Variants in NAALADL2 observed in about 807,000 individuals in gnomAD.
NAALADL2 encodes inactive N-acetylated-alpha-linked acidic dipeptidase-like protein 2.
Under a neutral mutation model 87.2 loss-of-function variants are expected in NAALADL2, and 76 were observed. That is an observed-to-expected ratio of 0.87 (90% confidence interval 0.72 to 1.05). NAALADL2 has a LOEUF of 1.05. Ranked by LOEUF, NAALADL2 falls within the 50% of genes least tolerant of loss-of-function variation. The pLI is 0.00. For missense variants in NAALADL2, 1,089 were observed against 945.8 expected (o/e 1.15, Z -1.99); for synonymous variants, 354 against 331.0 (o/e 1.07, Z -0.75).
chr3:175,674,258 T>G lies in NAALADL2; in HGVS notation c.1896+46872T>G, dbSNP rs74620718. On this transcript the variant is annotated intron_variant, in intron 11 of 13. Transcript: ENST00000454872. ...TTCCAACTGATAGTGTTTTTTTTTT[T>G]TGTTTGTTTTGTTTTTTTTGAGTTG... Among the ~76,000 whole-genome samples, 686 of 144,954 alleles carry G rather than the reference T, an allele frequency of 4.7e-3. 6 individuals carry two copies. The highest frequency in any genetic ancestry group is 0.017 in the African/African-American group (596 of 34,982).
chr3:175,255,187 G>A (rs1271778477), intron 3 of NAALADL2, among the ~76,000 whole-genome samples: 1 of 152,178 alleles, frequency 6.6e-6, no homozygotes, highest in Admixed American at 6.5e-5. Flanking sequence ...CATTTGAAAT[G>A]AACGTTAATG....
At chr3:175,626,777 T>C (rs1056613762) in intron 10 of NAALADL2, among the ~76,000 whole-genome samples, 3 of 151,888 alleles carry the variant, frequency 2.0e-5, no homozygotes, top group African/African-American at 4.8e-5. Context: ...TAAGTATTGG[T>C]GCCACTCAGA....
At chr3:175,272,078 C>G (rs1333235512) in intron 4 of NAALADL2, among the ~76,000 whole-genome samples, 1 of 152,028 alleles carries the variant, frequency 6.6e-6, no homozygotes, top group Non-Finnish European at 1.5e-5. Context: ...AACTTCCAAA[C>G]AAAAAGTAAG....
Position 174,787,576 on chromosome 3 carries a change from CATATATATATATATATAT to C in NAALADL2, c.-9+49858_-9+49875del, listed in dbSNP as rs71300440. Among the ~76,000 whole-genome samples the C allele has an allele frequency of 9.8e-3, 144 of 14,734 alleles. 23 individuals carry two copies. Among genetic ancestry groups the C allele is most frequent in the African/African-American group, 0.023 (126 of 5,556 alleles). The allele number at this position is 14,734 out of a possible 152,430, so 9.7% of individuals were successfully genotyped here. A position where few individuals can be genotyped will look rare whatever the true frequency, so the allele number is the denominator to read the frequency against. On this transcript the variant is annotated intron_variant, in intron 3 of 3. Transcript: ENST00000434257. Reference sequence around the variant, plus strand: ...TTAATAGAAGAAGGCAATATATCATCATATATATATATATATATATATATATATATATATATATATATA... The same window carrying C: ...TTAATAGAAGAAGGCAATATATCATCATATATATATATATATATATATATA...
chr3:174,474,956 G>A (rs1717123953), intron 1 of NAALADL2, among the ~76,000 whole-genome samples: 1 of 151,934 alleles, frequency 6.6e-6, no homozygotes, highest in South Asian at 2.1e-4. Context: ...TTGCCCTTAG[G>A]ATAGATAAGA....
chr3:174,540,511 A>G (rs1722128184), intron 1 of NAALADL2, among the ~76,000 whole-genome samples: 1 of 152,224 alleles, frequency 6.6e-6, no homozygotes, highest in South Asian at 2.1e-4. Context: ...AAAACTTTCA[A>G]AGCAAGTGGG....
At chr3:175,246,040 T>A (rs957046451) in intron 3 of NAALADL2, among the ~76,000 whole-genome samples, 4 of 152,162 alleles carry the variant, frequency 2.6e-5, no homozygotes, top group Non-Finnish European at 5.9e-5. Context: ...GTCTTCATGA[T>A]AATGACCATG....
intron 9 of NAALADL2, among the ~76,000 whole-genome samples, chr3:175,562,675 G>A (rs1716460185): frequency 6.6e-6 from 1 of 151,848 alleles, no homozygotes; most frequent in African/African-American, 2.4e-5. Flanking sequence ...TATAATTTAG[G>A]AAATTAAAAA....
At chr3:175,133,741 G>A (rs969399899) in intron 2 of NAALADL2, among the ~76,000 whole-genome samples, 33 of 152,176 alleles carry the variant, frequency 2.2e-4, no homozygotes, top group Non-Finnish European at 7.3e-5. Context: ...ACCGTGGGGA[G>A]AGGGAGAGGG....
At chr3:174,725,218 G>C (rs1398677284) in intron 2 of NAALADL2, among the ~76,000 whole-genome samples, 1 of 152,142 alleles carries the variant, frequency 6.6e-6, no homozygotes, top group Non-Finnish European at 1.5e-5. Context: ...TGAGTAAAAA[G>C]ATAAGTCTTA....
At chr3:174,912,484 T>C (rs748209438) in intron 1 of NAALADL2, among the ~76,000 whole-genome samples, 1 of 152,166 alleles carries the variant, frequency 6.6e-6, no homozygotes, top group Non-Finnish European at 1.5e-5. Context: ...AAATGTTTCA[T>C]TGGAATCCTA....
At chr3:175,695,071 GA>G (rs200600326) in intron 11 of NAALADL2, among the ~76,000 whole-genome samples, 91 of 136,280 alleles carry the variant, frequency 6.7e-4, no homozygotes, top group East Asian at 4.1e-3. Flanking sequence ...ATAGGTGCTT[GA>G]AAAAAAAAAA....
intron 2 of NAALADL2, among the ~76,000 whole-genome samples, chr3:174,553,380 A>G (rs1300721328): frequency 6.6e-6 from 1 of 152,208 alleles, no homozygotes; most frequent in Admixed American, 6.5e-5. Context: ...AAGTGACCAT[A>G]GGTTTCTTAT....
intron 1 of NAALADL2, among the ~76,000 whole-genome samples, chr3:174,899,793 T>C (rs1163663386): frequency 2.0e-5 from 3 of 152,032 alleles, no homozygotes; most frequent in Non-Finnish European, 4.4e-5. Context: ...TCCAAGGGCA[T>C]ATGCTTACAC....
At chr3:174,857,506 C>T (rs1725987800), upstream of NAALADL2, among the ~76,000 whole-genome samples, 1 of 152,092 alleles carries the variant, frequency 6.6e-6, no homozygotes. Flanking sequence ...TGACTAATTT[C>T]AGTGCCTGGG....
chr3:175,604,490 G>T (rs62284498), intron 10 of NAALADL2, among the ~76,000 whole-genome samples: 1 of 151,618 alleles, frequency 6.6e-6, no homozygotes, highest in Non-Finnish European at 1.5e-5. Flanking sequence ...CTTTTTAGTA[G>T]AGACGGGGTT....
intron 11 of NAALADL2, among the ~76,000 whole-genome samples, chr3:175,635,267 T>A (rs1369702450): frequency 1.3e-5 from 2 of 152,006 alleles, no homozygotes; most frequent in African/African-American, 4.8e-5. Flanking sequence ...TATTACACAA[T>A]ATGTGATTGT....
intron 3 of NAALADL2, among the ~76,000 whole-genome samples, chr3:175,243,061 C>T (rs1320263501): frequency 2.8e-5 from 4 of 144,686 alleles, no homozygotes; most frequent in Non-Finnish European, 4.5e-5. Context: ...ATGGTTTAAT[C>T]CTTTCCATAA....
intron 9 of NAALADL2, among the ~76,000 whole-genome samples, chr3:175,536,294 C>T (rs1734806364): frequency 6.6e-6 from 1 of 152,154 alleles, no homozygotes; most frequent in African/African-American, 2.4e-5. Context: ...ATTGAAAGGG[C>T]TGTTAAACAT....
Sources: allele counts gnomAD v4.1 joint callset (sites outside exome capture counted in the v4.1 genomes callset), GRCh38; gene constraint gnomAD v4.1.1; transcripts MANE v1.5; gene names NCBI Gene and HGNC (gene_info 2026-07-23, HGNC 2026-07-21).